SHANK1: variants seen among roughly 807,000 people sequenced by gnomAD.
The protein encoded by SHANK1 is SH3 and multiple ankyrin repeat domains protein 1.
Under a neutral mutation model 165.6 loss-of-function variants are expected in SHANK1, and 35 were observed. The observed-to-expected ratio is 0.21, with a 90% CI of 0.16 to 0.28. The LOEUF (loss-of-function observed/expected upper bound fraction) is 0.28, where lower values mean the gene tolerates loss of function less well. Ranked by LOEUF, SHANK1 falls within the 10% of genes least tolerant of loss-of-function variation. The pLI is 1.00. For missense variants in SHANK1, 2,681 were observed against 3,036.4 expected (o/e 0.88, Z 2.75); for synonymous variants, 1,428 against 1,384.8 (o/e 1.03, Z -0.69).
rs908693015 is a variant in SHANK1, at chr19:50,689,687, G to A, written c.1965-408C>T. Among the ~76,000 whole-genome samples, 22 of 152,076 alleles carry A rather than the reference G, an allele frequency of 1.4e-4. 1 individual carries two copies. The highest frequency in any genetic ancestry group is 1.4e-3 in the Admixed American group (21 of 15,272). ...CTCAGTTCCCTCATCTATAATGGGGGGCTATCACAGATCCTACCTGATGGG... is the reference window on the plus strand; with the variant it reads ...CTCAGTTCCCTCATCTATAATGGGGAGCTATCACAGATCCTACCTGATGGG... On this transcript the variant is annotated intron_variant, in intron 15 of 23. Transcript: ENST00000293441.
Position 50,690,736 on chromosome 19 carries a change from C to G in SHANK1, c.1965-1457G>C, listed in dbSNP as rs1207426722. ...GTATGTTTCGGCAACCCCCACACAT[C>G]CCAGTATGTTCCAATAATAACTCCC... On this transcript the variant is annotated intron_variant, in intron 15 of 23. Transcript: ENST00000293441. This position sits in a 1 kb window ranked among gnomAD's most constrained non-coding sequence, Gnocchi z 4.9. Among the ~76,000 whole-genome samples, 1 of 152,108 alleles carries G rather than the reference C, an allele frequency of 6.6e-6. No homozygotes were observed. Among genetic ancestry groups the G allele is most frequent in the Non-Finnish European group, 1.5e-5 (1 of 68,028 alleles).
At chr19:50,663,904 A>G (rs1289270808) in intron 23 of SHANK1, among the ~76,000 whole-genome samples, 1 of 144,104 alleles carries the variant, frequency 6.9e-6, no homozygotes, top group Admixed American at 6.9e-5. Flanking sequence ...CTAATAATAT[A>G]CACTTCCTTT....
At chr19:50,685,793 C>T (rs1232741721) in intron 21 of SHANK1, among the ~76,000 whole-genome samples, 3 of 152,128 alleles carry the variant, frequency 2.0e-5, no homozygotes, top group East Asian at 1.9e-4. Context: ...ATTATCAACA[C>T]CCCCTACAGG....
intron 15 of SHANK1, among the ~76,000 whole-genome samples, chr19:50,694,129 A>G (rs892213712): frequency 2.0e-5 from 3 of 152,100 alleles, no homozygotes; most frequent in Admixed American, 2.0e-4. Context: ...AGGGACACAC[A>G]GATGGACACA....
At position 50,687,932 on chromosome 19, in the gene SHANK1, G is replaced by A. The variant is rs1986410993; in HGVS notation, c.2299C>T (p.His767Tyr). The A allele has an allele frequency of 6.2e-7, 1 of 1,614,006 alleles. No homozygotes were observed. The highest frequency in any genetic ancestry group is 8.5e-7 in the Non-Finnish European group (1 of 1,179,954). The change falls in exon 18 of 24, where the codon CAC (histidine) becomes TAC (tyrosine). Residue 767 changes from histidine (H) to tyrosine (Y), a missense_variant. Physicochemically the swap from His to Tyr is moderately conservative, Grantham distance 83. Around this residue, in one of 10 missense-constraint regions of SHANK1, gnomAD observed 206 missense variants for 216.0 expected, o/e 0.95. Transcript: ENST00000293441. Reference sequence around the variant, plus strand: ...GTGGCCGCAGGAGCACCTTTCTTGTGCACTGCCTCATCCATGTCCGGGTGC... The same window carrying A: ...GTGGCCGCAGGAGCACCTTTCTTGTACACTGCCTCATCCATGTCCGGGTGC... ...TRHPDMDEAV[H>Y]KKAPQQAKRL...
rs962263793 is a variant in SHANK1, at chr19:50,686,984, G to A, written c.2390-172C>T. ...GAGTCCGCCGGCGGGGTCGGGAGAC[G>A]GGGGCCCTCCCGCCAGTCCTGTGCC... On this transcript the variant is annotated intron_variant, in intron 19 of 23. Transcript: ENST00000293441. This position sits in a 1 kb window ranked among gnomAD's most constrained non-coding sequence, Gnocchi z 5.7. 1.2e-5 allele frequency: 17 copies of A among 1,419,510 alleles called. No individual in the cohort carries two copies. The African/African-American group carries it at 2.4e-4, about 20-fold the overall frequency. The allele number at this position is 1,419,510 out of a possible 1,614,324, so 87.9% of individuals were successfully genotyped here.
In SHANK1 at chr19:50,713,690, T is replaced by G; in HGVS notation, c.792+108A>C. ...GGAAAGGGGCTTTGAACTGGGGACA[T>G]GAGAGGGCCTATTTTTAACTGAAAC... On this transcript the variant is annotated intron_variant, in intron 6 of 23. Transcript: ENST00000293441. This position sits in a 1 kb window ranked among gnomAD's most constrained non-coding sequence, Gnocchi z 6.2. 1 of 1,402,896 alleles carries G rather than the reference T, an allele frequency of 7.1e-7. No homozygotes were observed. Among genetic ancestry groups the G allele is most frequent in the Non-Finnish European group, 9.8e-7 (1 of 1,019,380 alleles). 86.9% of individuals were successfully genotyped at this position (1,402,896 alleles called of 1,614,324 possible).
intron 22 of SHANK1, among the ~76,000 whole-genome samples, chr19:50,671,480 G>GC (rs1271650221): frequency 1.5e-5 from 2 of 136,758 alleles, no homozygotes; most frequent in Non-Finnish European, 3.1e-5. Context: ...GCTGCGCCCG[G>GC]CCCACTCTTT....
Position 50,716,289 on chromosome 19 carries a change from C to A in SHANK1, c.445G>T (p.Val149Phe). 6.2e-7 allele frequency: 1 copy of A among 1,614,048 alleles called. No homozygotes were observed. The highest frequency in any genetic ancestry group is 8.5e-7 in the Non-Finnish European group (1 of 1,179,978). ...REYPQSFEKG[V>F]PYLEFRYKTR... Reference sequence around the variant, plus strand: ...GGAAGCTTCACCTCCAGGTAGGGGACCCCCTTCTCAAAGGACTGGGGGTAC... The same window carrying A: ...GGAAGCTTCACCTCCAGGTAGGGGAACCCCTTCTCAAAGGACTGGGGGTAC... Residue 149 changes from valine (V) to phenylalanine (F), a missense_variant, in exon 3 of 24, where the codon GTC becomes TTC. Val to Phe is a conservative substitution (Grantham distance 50). Coordinates refer to ENST00000293441, the MANE Select transcript of SHANK1 (RefSeq NM_016148.5). This position sits in a 1 kb window ranked among gnomAD's most constrained non-coding sequence, Gnocchi z 8.4.
rs978987747 is a variant in SHANK1 at position 50,713,912 on chromosome 19, A to G, written c.678T>C (p.Ser226=). ...PLTLAAQTEG[S]VEVIRTLCLG... ...GGCACAGGGTTCGAATCACCTCTACAGAGCCTTCGGTCTGGGCCGCCAGTG... is the reference window on the plus strand; with the variant it reads ...GGCACAGGGTTCGAATCACCTCTACGGAGCCTTCGGTCTGGGCCGCCAGTG... Residue 226 remains serine (S), a synonymous_variant, in exon 6 of 24, where the codon TCT becomes TCC. Coordinates refer to ENST00000293441, the MANE Select transcript of SHANK1 (RefSeq NM_016148.5). This position sits in a 1 kb window ranked among gnomAD's most constrained non-coding sequence, Gnocchi z 6.2. 1 of 1,613,734 alleles carries G rather than the reference A, an allele frequency of 6.2e-7. No homozygotes were observed. The highest frequency in any genetic ancestry group is 1.3e-5 in the African/African-American group (1 of 74,892).
At position 50,712,043 on chromosome 19, in the gene SHANK1, G is replaced by A. The variant is rs1325526395; in HGVS notation, c.864C>T (p.Ala288=). ...AGCATCGGGGGTCACCACCCACCATGGCCGTGTGGAACAGAGGGGTCAGCC... is the reference window on the plus strand; with the variant it reads ...AGCATCGGGGGTCACCACCCACCATAGCCGTGTGGAACAGAGGGGTCAGCC... The part of the protein sequence containing the change: ...RRGLTPLFHT[A]MVGGDPRCCE... The change falls in exon 7 of 24, where the codon GCC becomes GCT. Residue 288 remains alanine (A), a synonymous_variant. Transcript: ENST00000293441. The A allele has an allele frequency of 1.9e-6, 3 of 1,613,812 alleles. No individual in the cohort carries two copies. In the African/African-American group the frequency reaches 4.0e-5, roughly 22 times the overall value.
chr19:50,689,739 A>G (rs896102462), intron 15 of SHANK1, among the ~76,000 whole-genome samples: 1 of 152,162 alleles, frequency 6.6e-6, no homozygotes, highest in African/African-American at 2.4e-5. Flanking sequence ...AGTGGGGGTA[A>G]TACACATTTA....
In SHANK1 at chr19:50,688,140, C is replaced by T; in HGVS notation, c.2173-82G>A. Reference sequence around the variant, plus strand: ...GCTTCAGAGACCCCAAGGAGGATGCCTCCTGCGCTGCCCTGTCCATGGCCC... The same window carrying T: ...GCTTCAGAGACCCCAAGGAGGATGCTTCCTGCGCTGCCCTGTCCATGGCCC... On this transcript the variant is annotated intron_variant, in intron 17 of 23. Transcript: ENST00000293441. This position sits in a 1 kb window ranked among gnomAD's most constrained non-coding sequence, Gnocchi z 6.7. The T allele has an allele frequency of 6.5e-7, 1 of 1,535,782 alleles. No individual in the cohort carries two copies. The highest frequency in any genetic ancestry group is 8.9e-7 in the Non-Finnish European group (1 of 1,123,056).
Position 50,716,569 on chromosome 19 carries a change from G to C in SHANK1, c.256-91C>G. 1.3e-6 allele frequency: 2 copies of C among 1,565,260 alleles called. No individual in the cohort carries two copies. Among genetic ancestry groups the C allele is most frequent in the Non-Finnish European group, 1.7e-6 (2 of 1,149,582 alleles). ...GAAGTGAGCCAGGAGCTGAGTGTGG[G>C]GGTGATTCCTGGGAGGATACCCAGC... is the stretch of plus-strand genomic sequence containing the variant. On this transcript the variant is annotated intron_variant, in intron 2 of 23. Coordinates refer to ENST00000293441, the MANE Select transcript of SHANK1 (RefSeq NM_016148.5). The surrounding 1 kb of genome is among the most constrained non-coding windows in gnomAD (Gnocchi z 8.4).
chr19:50,698,411 CT>C (rs1986807655), intron 12 of SHANK1, among the ~76,000 whole-genome samples: 1 of 152,158 alleles, frequency 6.6e-6, no homozygotes, highest in Non-Finnish European at 1.5e-5. Flanking sequence ...CCCCAGACCC[CT>C]GTCTCTGTCT....
chr19:50,669,719 C>A (rs1985720620), intron 22 of SHANK1, among the ~76,000 whole-genome samples: 1 of 151,910 alleles, frequency 6.6e-6, no homozygotes, highest in Non-Finnish European at 1.5e-5. Context: ...AGCTGTGATT[C>A]TACAGAGAGA....
Position 50,719,460 on chromosome 19 carries a change from T to TCCCCCCCCCCCCCCCC in SHANK1, c.-99_-98insGGGGGGGGGGGGGGGG, listed in dbSNP as rs2089110038. 1 of 25,694 alleles carries TCCCCCCCCCCCCCCCC rather than the reference T, an allele frequency of 3.9e-5. No homozygotes were observed. Among genetic ancestry groups the TCCCCCCCCCCCCCCCC allele is most frequent in the Non-Finnish European group, 7.7e-5 (1 of 12,998 alleles). 1.6% of individuals were successfully genotyped at this position (25,694 alleles called of 1,614,324 possible). A position where few individuals can be genotyped will look rare whatever the true frequency, so the allele number is the denominator to read the frequency against. ...GGCGGCGCCCGCGGCCCCTCCCCCC[T>TCCCCCCCCCCCCCCCC]CCCCCCACCCCCCACCCCCCCGGAG... On this transcript the variant is annotated 5_prime_UTR_variant, in exon 1 of 24. Coordinates refer to ENST00000293441, the MANE Select transcript of SHANK1 (RefSeq NM_016148.5).
In SHANK1 at chr19:50,667,995, C is replaced by T. The variant is rs908075733; in HGVS notation, c.3965G>A (p.Gly1322Asp). ...GGTGAAGGCGCTGCTGCCCCCGCCA[C>T]CCCCGTAGGCTCGGCTACCGGCCCC... ...GYGAGSRAYG[G>D]GGGSSAFTSF... The change falls in exon 23 of 24, where the codon GGT (glycine) becomes GAT (aspartate). Residue 1322 changes from glycine to aspartate, a missense_variant. Around this residue, in one of 10 missense-constraint regions of SHANK1, gnomAD observed 1,713 missense variants for 1,630.2 expected, o/e 1.05. Transcript: ENST00000293441. The surrounding 1 kb of genome is among the most constrained non-coding windows in gnomAD (Gnocchi z 5.7). The T allele has an allele frequency of 1.1e-5, 16 of 1,468,522 alleles. No individual in the cohort carries two copies. Among genetic ancestry groups the T allele is most frequent in the Non-Finnish European group, 1.4e-5 (16 of 1,115,638 alleles). The allele number at this position is 1,468,522 out of a possible 1,614,324, so 91.0% of individuals were successfully genotyped here. A position where few individuals can be genotyped will look rare whatever the true frequency, so the allele number is the denominator to read the frequency against.
At chr19:50,676,440 A>C (rs1168960097) in intron 21 of SHANK1, among the ~76,000 whole-genome samples, 1 of 152,114 alleles carries the variant, frequency 6.6e-6, no homozygotes, top group Non-Finnish European at 1.5e-5. Context: ...AGCAGGTGCA[A>C]AGGCCCTGAG....
Sources: allele counts gnomAD v4.1 joint callset (sites outside exome capture counted in the v4.1 genomes callset), GRCh38; gene constraint gnomAD v4.1.1; regional missense constraint gnomAD v4.1.1; non-coding constraint Gnocchi (gnomAD v3.1); transcripts MANE v1.5; gene names NCBI Gene and HGNC (gene_info 2026-07-23, HGNC 2026-07-21).